The following SOX4 variants were observed in gnomAD, a reference collection of about 807,000 sequenced individuals.
SOX4 encodes transcription factor SOX-4.
For synonymous variants in SOX4, 465 were observed against 348.4 expected (o/e 1.33, Z -3.73); for missense variants, 662 against 694.9 (o/e 0.95, Z 0.53).
In SOX4 at chr6:21,593,959, A is replaced by G. The variant is rs925094234; in HGVS notation, c.-576A>G. 1 of 152,040 alleles carries G rather than the reference A, an allele frequency of 6.6e-6. No individual in the cohort carries two copies. The highest frequency in any genetic ancestry group is 2.4e-5 in the African/African-American group (1 of 41,392). The allele number at this position is 152,040 out of a possible 1,614,324, so 9.4% of individuals were successfully genotyped here. On this transcript the variant is annotated 5_prime_UTR_variant, in exon 1 of 1. Transcript: ENST00000244745. ...TTTTTGGCTTCCTACCTTGCAACAAAATAATTGCACCAACTCCTTAGTGCC... is the reference window on the plus strand; with the variant it reads ...TTTTTGGCTTCCTACCTTGCAACAAGATAATTGCACCAACTCCTTAGTGCC...
At position 21,594,183 on chromosome 6, in the gene SOX4, C is replaced by A. The variant is rs1057130263; in HGVS notation, c.-352C>A. 3 of 220,110 alleles carry A rather than the reference C, an allele frequency of 1.4e-5. No individual in the cohort carries two copies. Among genetic ancestry groups the A allele is most frequent in the Non-Finnish European group, 2.7e-5 (3 of 113,206 alleles). 13.6% of individuals were successfully genotyped at this position (220,110 alleles called of 1,614,324 possible). On this transcript the variant is annotated 5_prime_UTR_variant, in exon 1 of 1. Transcript: ENST00000244745. ...CGCGAGAAACTTGCATTGGAAGCTTCAGCAACCAGCATTCGAGAAACTCCT... is the reference window on the plus strand; with the variant it reads ...CGCGAGAAACTTGCATTGGAAGCTTAAGCAACCAGCATTCGAGAAACTCCT...
rs756206640 is a variant in SOX4, at chr6:21,595,761, C to A, written c.1227C>A (p.Asn409Lys). ...DEFEDDLLDLNPSSNFESMSL... is the reference protein window; with the variant it reads ...DEFEDDLLDLKPSSNFESMSL... Reference sequence around the variant, plus strand: ...TCGAAGACGACCTGCTCGACCTGAACCCCAGCTCAAACTTTGAGAGCATGT... The same window carrying A: ...TCGAAGACGACCTGCTCGACCTGAAACCCAGCTCAAACTTTGAGAGCATGT... The change falls in exon 1 of 1, where the codon AAC (asparagine) becomes AAA (lysine). Residue 409 changes from asparagine to lysine, a missense_variant. Asn to Lys is a moderately conservative substitution (Grantham distance 94). Transcript: ENST00000244745. The A allele has an allele frequency of 1.2e-6, 2 of 1,613,366 alleles. No homozygotes were observed. Among genetic ancestry groups the A allele is most frequent in the South Asian group, 1.1e-5 (1 of 91,022 alleles).
Position 21,595,853 on chromosome 6 carries a change from C to G in SOX4, c.1319C>G (p.Ser440Cys), listed in dbSNP as rs1342890345. Residue 440 changes from serine to cysteine, a missense_variant, in exon 1 of 1, where the codon TCC becomes TGC. By Grantham distance (112) the Ser-to-Cys change is moderately radical. Coordinates refer to ENST00000244745, the MANE Select transcript of SOX4 (RefSeq NM_003107.3). ...CTGGATTTTAACTTCGAGCCCGGCT[C>G]CGGCTCGCACTTCGAGTTCCCGGAC... ...RDLDFNFEPG[S>C]GSHFEFPDYC... The G allele has an allele frequency of 1.9e-6, 3 of 1,611,834 alleles. No individual in the cohort carries two copies. Among genetic ancestry groups the G allele is most frequent in the Non-Finnish European group, 2.5e-6 (3 of 1,179,316 alleles).
rs1418468691 is a variant in SOX4 at position 21,598,557 on chromosome 6, T to C, written c.*2598T>C. 6.0e-6 allele frequency: 1 copy of C among 166,882 alleles called. No individual in the cohort carries two copies. Among genetic ancestry groups the C allele is most frequent in the Non-Finnish European group, 1.5e-5 (1 of 68,120 alleles). 10.3% of individuals were successfully genotyped at this position (166,882 alleles called of 1,614,324 possible). On this transcript the variant is annotated 3_prime_UTR_variant, in exon 1 of 1. Transcript: ENST00000244745. ...TTCACTGCCTGTCAGATTGTTGATATATACCTTCTGTAAATAACTTTTTTT... is the reference window on the plus strand; with the variant it reads ...TTCACTGCCTGTCAGATTGTTGATACATACCTTCTGTAAATAACTTTTTTT...
chr6:21,595,211 GCGGGAAAGCAGCGGCTGCCGCCGC>G lies in SOX4; in HGVS notation c.680_703del (p.Gly227_Ala234del). 1 of 1,242,028 alleles carries G rather than the reference GCGGGAAAGCAGCGGCTGCCGCCGC, an allele frequency of 8.1e-7. No homozygotes were observed. Among genetic ancestry groups the G allele is most frequent in the South Asian group, 3.9e-5 (1 of 25,830 alleles). 76.9% of individuals were successfully genotyped at this position (1,242,028 alleles called of 1,614,324 possible). A position where few individuals can be genotyped will look rare whatever the true frequency, so the allele number is the denominator to read the frequency against. On this transcript the variant is annotated inframe_deletion, in exon 1 of 1. Transcript: ENST00000244745. ...CTCATCCTGGCAGGCGGCGGCGGCG[GCGGGAAAGCAGCGGCTGCCGCCGC>G]CGCCTCCTTCGCCGCCGAACAGGCG...
Position 21,594,900 on chromosome 6 carries a change from C to T in SOX4, c.366C>T (p.Asp122=). The T allele has an allele frequency of 6.2e-7, 1 of 1,613,092 alleles. No individual in the cohort carries two copies. The highest frequency in any genetic ancestry group is 8.5e-7 in the Non-Finnish European group (1 of 1,179,734). Residue 122 remains aspartate, a synonymous_variant, in exon 1 of 1, where the codon GAC becomes GAT. Transcript: ENST00000244745. ...GGCTGCGCCTCAAGCACATGGCTGA[C>T]TACCCCGACTACAAGTACCGGCCCA... ...AERLRLKHMA[D]YPDYKYRPRK...
chr6:21,595,958 G>A lies in SOX4; in HGVS notation c.1424G>A (p.Ter475=), dbSNP rs1429519704. The change falls in exon 1 of 1, where the codon TGA becomes TAA. Residue 475 remains the stop codon, a stop_retained_variant. Coordinates refer to ENST00000244745, the MANE Select transcript of SOX4 (RefSeq NM_003107.3). ...SSISNLVFTY[*] is the part of the protein sequence containing the mutation. ...ATCTCCAACCTGGTTTTCACCTACTGAAGGGCGCGCAGGCAGGGAGAAGGG... is the reference window on the plus strand; with the variant it reads ...ATCTCCAACCTGGTTTTCACCTACTAAAGGGCGCGCAGGCAGGGAGAAGGG... 1 of 1,532,082 alleles carries A rather than the reference G, an allele frequency of 6.5e-7. No individual in the cohort carries two copies. Among genetic ancestry groups the A allele is most frequent in the Non-Finnish European group, 8.8e-7 (1 of 1,137,242 alleles). The allele number at this position is 1,532,082 out of a possible 1,614,324, so 94.9% of individuals were successfully genotyped here. A position where few individuals can be genotyped will look rare whatever the true frequency, so the allele number is the denominator to read the frequency against.
At position 21,594,068 on chromosome 6, in the gene SOX4, G is replaced by A. The variant is rs564590418; in HGVS notation, c.-467G>A. 1 of 151,960 alleles carries A rather than the reference G, an allele frequency of 6.6e-6. No homozygotes were observed. The highest frequency in any genetic ancestry group is 2.5e-5 in the African/African-American group (1 of 40,808). The allele number at this position is 151,960 out of a possible 1,614,324, so 9.4% of individuals were successfully genotyped here. On this transcript the variant is annotated 5_prime_UTR_variant, in exon 1 of 1. Coordinates refer to ENST00000244745, the MANE Select transcript of SOX4 (RefSeq NM_003107.3). The stretch of plus-strand genomic sequence containing the variant: ...GGGACTAAGTGCTAGAGACTATGTC[G>A]CTTTCCTGAGCTACCGAGAGCGCTC...
Position 21,595,155 on chromosome 6 carries a change from G to GGGC in SOX4, c.624_626dup (p.Gly210dup). On this transcript the variant is annotated inframe_insertion, in exon 1 of 1. Coordinates refer to ENST00000244745, the MANE Select transcript of SOX4 (RefSeq NM_003107.3). ...GCGGCTCCAAAGTGGCGGGCGGCGC[G>GGGC]GGCGGTGGGGTTAGCAAACCGCACG... 2 of 1,338,270 alleles carry GGGC rather than the reference G, an allele frequency of 1.5e-6. No individual in the cohort carries two copies. The highest frequency in any genetic ancestry group is 1.9e-6 in the Non-Finnish European group (2 of 1,053,420). 82.9% of individuals were successfully genotyped at this position (1,338,270 alleles called of 1,614,324 possible).
rs982980268 is a variant in SOX4 at position 21,595,682 on chromosome 6, C to T, written c.1148C>T (p.Ser383Leu). ...SAPSHASSSA[S>L]SHSSSSSSSG... The stretch of plus-strand genomic sequence containing the variant: ...CCCTCGCACGCGTCCTCCTCGGCCT[C>T]GTCCCACTCCTCCTCTTCCTCCTCC... The change falls in exon 1 of 1, where the codon TCG (serine) becomes TTG (leucine). Residue 383 changes from serine (S) to leucine (L), a missense_variant. Ser to Leu is a moderately radical substitution (Grantham distance 145). Transcript: ENST00000244745. 7 of 1,576,910 alleles carry T rather than the reference C, an allele frequency of 4.4e-6. No individual in the cohort carries two copies. The highest frequency in any genetic ancestry group is 1.4e-5 in the African/African-American group (1 of 73,850).
chr6:21,595,728 C>T lies in SOX4; in HGVS notation c.1194C>T (p.Asp398=). 3 of 1,611,712 alleles carry T rather than the reference C, an allele frequency of 1.9e-6. No individual in the cohort carries two copies. The highest frequency in any genetic ancestry group is 1.7e-5 in the Admixed American group (1 of 59,872). ...CCTCCTCGGGCTCCTCGTCCTCCGA[C>T]GACGAGTTCGAAGACGACCTGCTCG... The part of the protein sequence containing the change: ...SSSSSGSSSS[D]DEFEDDLLDL... Residue 398 remains aspartate, a synonymous_variant, in exon 1 of 1, where the codon GAC becomes GAT. Coordinates refer to ENST00000244745, the MANE Select transcript of SOX4 (RefSeq NM_003107.3).
rs778165010 is a variant in SOX4 at position 21,595,847 on chromosome 6, C to G, written c.1313C>G (p.Pro438Arg). The G allele has an allele frequency of 1.9e-6, 3 of 1,611,924 alleles. No individual in the cohort carries two copies. The highest frequency in any genetic ancestry group is 1.7e-5 in the Admixed American group (1 of 59,804). ...LDRDLDFNFEPGSGSHFEFPD... is the reference protein window; with the variant it reads ...LDRDLDFNFERGSGSHFEFPD... ...CGGGACCTGGATTTTAACTTCGAGC[C>G]CGGCTCCGGCTCGCACTTCGAGTTC... Residue 438 changes from proline (P) to arginine (R), a missense_variant, in exon 1 of 1, where the codon CCC becomes CGC. Coordinates refer to ENST00000244745, the MANE Select transcript of SOX4 (RefSeq NM_003107.3).
At position 21,595,448 on chromosome 6, in the gene SOX4, C is replaced by T. The variant is rs1726652007; in HGVS notation, c.914C>T (p.Ser305Leu). The T allele has an allele frequency of 1.5e-5, 23 of 1,497,126 alleles. No individual in the cohort carries two copies. Among genetic ancestry groups the T allele is most frequent in the South Asian group, 2.5e-5 (2 of 80,328 alleles). 92.7% of individuals were successfully genotyped at this position (1,497,126 alleles called of 1,614,324 possible). ...TACCTGTTCGGCGGCCTGGGCACGT[C>T]GTCGTCGCCCGTGGGCGGCGTGGGC... ...RVYLFGGLGTSSSPVGGVGAG... is the reference protein window; with the variant it reads ...RVYLFGGLGTLSSPVGGVGAG... Residue 305 changes from serine (S) to leucine (L), a missense_variant, in exon 1 of 1, where the codon TCG becomes TTG. Ser to Leu is a moderately radical substitution (Grantham distance 145). Transcript: ENST00000244745.
chr6:21,594,282 G>GGA lies in SOX4; in HGVS notation c.-244_-243dup, dbSNP rs1314522653. On this transcript the variant is annotated 5_prime_UTR_variant, in exon 1 of 1. Coordinates refer to ENST00000244745, the MANE Select transcript of SOX4 (RefSeq NM_003107.3). ...AGCGCGGTGAGAGAGCGAGAGAGAGGGAGAGAGAGACTCTCCAGCCTGGGA... is the reference window on the plus strand; with the variant it reads ...AGCGCGGTGAGAGAGCGAGAGAGAGGGAGAGAGAGAGACTCTCCAGCCTGGGA... 1.8e-5 allele frequency: 7 copies of GGA among 389,384 alleles called. No individual in the cohort carries two copies. The highest frequency in any genetic ancestry group is 3.1e-5 in the Non-Finnish European group (7 of 225,048). The allele number at this position is 389,384 out of a possible 1,614,324, so 24.1% of individuals were successfully genotyped here.
Position 21,595,717 on chromosome 6 carries a change from T to C in SOX4, c.1183T>C (p.Ser395Pro). Residue 395 changes from serine (S) to proline (P), a missense_variant, in exon 1 of 1, where the codon TCG becomes CCG. Transcript: ENST00000244745. ...HSSSSSSSGSSSSDDEFEDDL... is the reference protein window; with the variant it reads ...HSSSSSSSGSPSSDDEFEDDL... ...CTCCTCTTCCTCCTCCTCGGGCTCC[T>C]CGTCCTCCGACGACGAGTTCGAAGA... 1 of 1,609,258 alleles carries C rather than the reference T, an allele frequency of 6.2e-7. No homozygotes were observed. The highest frequency in any genetic ancestry group is 8.5e-7 in the Non-Finnish European group (1 of 1,178,294).
rs753377607 is a variant in SOX4 at position 21,595,694 on chromosome 6, C to G, written c.1160C>G (p.Ser387Cys). The G allele has an allele frequency of 1.3e-6, 2 of 1,592,684 alleles. No individual in the cohort carries two copies. The highest frequency in any genetic ancestry group is 1.3e-5 in the African/African-American group (1 of 74,358). The stretch of plus-strand genomic sequence containing the variant: ...TCCTCCTCGGCCTCGTCCCACTCCT[C>G]CTCTTCCTCCTCCTCGGGCTCCTCG... ...HASSSASSHS[S>C]SSSSSGSSSS... The change falls in exon 1 of 1, where the codon TCC (serine) becomes TGC (cysteine). Residue 387 changes from serine (S) to cysteine (C), a missense_variant. Ser to Cys is a moderately radical substitution (Grantham distance 112). Coordinates refer to ENST00000244745, the MANE Select transcript of SOX4 (RefSeq NM_003107.3).
At position 21,595,280 on chromosome 6, in the gene SOX4, C is replaced by A. The variant is rs1763113909; in HGVS notation, c.746C>A (p.Pro249His). 1 of 1,403,358 alleles carries A rather than the reference C, an allele frequency of 7.1e-7. No individual in the cohort carries two copies. Among genetic ancestry groups the A allele is most frequent in the Non-Finnish European group, 9.3e-7 (1 of 1,078,224 alleles). The allele number at this position is 1,403,358 out of a possible 1,614,324, so 86.9% of individuals were successfully genotyped here. ...AEQAGAAALLPLGAAADHHSL... is the reference protein window; with the variant it reads ...AEQAGAAALLHLGAAADHHSL... ...CAGGCGGGGGCCGCCGCCCTGCTGC[C>A]CCTGGGCGCCGCCGCCGACCACCAC... The change falls in exon 1 of 1, where the codon CCC becomes CAC. Residue 249 changes from proline (P) to histidine (H), a missense_variant. Transcript: ENST00000244745.
In SOX4 at chr6:21,595,318, G is replaced by A; in HGVS notation, c.784G>A (p.Ala262Thr). 9 of 1,476,396 alleles carry A rather than the reference G, an allele frequency of 6.1e-6. No individual in the cohort carries two copies. Among genetic ancestry groups the A allele is most frequent in the Non-Finnish European group, 8.0e-6 (9 of 1,119,332 alleles). The allele number at this position is 1,476,396 out of a possible 1,614,324, so 91.5% of individuals were successfully genotyped here. Residue 262 changes from alanine to threonine, a missense_variant, in exon 1 of 1, where the codon GCG becomes ACG. Transcript: ENST00000244745. ...AAADHHSLYK[A>T]RTPSASASAS... ...CGCCGACCACCACTCGCTGTACAAG[G>A]CGCGGACTCCCAGCGCCTCGGCCTC...
At position 21,594,918 on chromosome 6, in the gene SOX4, C is replaced by T; in HGVS notation, c.384C>T (p.Tyr128=). 2 of 1,612,904 alleles carry T rather than the reference C, an allele frequency of 1.2e-6. No homozygotes were observed. The highest frequency in any genetic ancestry group is 1.1e-5 in the South Asian group (1 of 90,882). The change falls in exon 1 of 1, where the codon TAC becomes TAT. Residue 128 remains tyrosine (Y), a synonymous_variant. Transcript: ENST00000244745. ...TGGCTGACTACCCCGACTACAAGTA[C>T]CGGCCCAGGAAGAAGGTGAAGTCCG... is the stretch of plus-strand genomic sequence containing the variant. ...KHMADYPDYK[Y]RPRKKVKSGN...
Sources: allele counts gnomAD v4.1 joint callset, GRCh38; gene constraint gnomAD v4.1.1; transcripts MANE v1.5; gene names NCBI Gene and HGNC (gene_info 2026-07-23, HGNC 2026-07-21).